ADARB2: variants seen among roughly 807,000 people sequenced by gnomAD.
ADARB2 encodes inactive double-stranded RNA-specific editase B2.
Under a neutral mutation model 62.2 loss-of-function variants are expected in ADARB2, and 25 were observed. The ratio of observed to expected loss-of-function variants is 0.40; its 90% CI spans 0.29 to 0.56. The LOEUF (loss-of-function observed/expected upper bound fraction) is 0.56, where lower values mean the gene tolerates loss of function less well. ADARB2 is among the 20% of genes least tolerant of loss of function. The pLI, the probability that ADARB2 is intolerant of heterozygous loss-of-function variation, is 0.43. For synonymous variants in ADARB2, 572 were observed against 500.8 expected (o/e 1.14, Z -1.90); for missense variants, 1,071 against 1,077.4 (o/e 0.99, Z 0.08).
rs982713595 is a variant in ADARB2, at chr10:1,271,216, A to T, written c.1078-147T>A. On this transcript the variant is annotated intron_variant, in intron 3 of 9. Transcript: ENST00000381312. ...CTCCCCTCCTCACAGCCTTGTCACC[A>T]CGTGACCACACACGGCCTCTCCCTG... is the stretch of plus-strand genomic sequence containing the variant. The T allele has an allele frequency of 2.0e-5, 13 of 638,642 alleles. No individual in the cohort carries two copies. In the African/African-American group the frequency reaches 2.4e-4, roughly 12 times the overall value. 39.6% of individuals were successfully genotyped at this position (638,642 alleles called of 1,614,324 possible).
intron 3 of ADARB2, chr10:1,291,011 T>C (rs1410719149): frequency 6.6e-6 from 1 of 152,240 alleles, no homozygotes; most frequent in African/African-American, 2.4e-5. Context: ...GGCTGATTCA[T>C]GGTTATTTGC....
At position 1,398,003 on chromosome 10, in the gene ADARB2, T is replaced by C. The variant is rs1451424913; in HGVS notation, c.101-18843A>G. On this transcript the variant is annotated intron_variant, in intron 1 of 9. Transcript: ENST00000381312. The surrounding 1 kb of genome is among the most constrained non-coding windows in gnomAD (Gnocchi z 4.1). ...CGAGTGCAGGCTTCCTGGGTCACCG[T>C]CCTCCTCTCCCCTCCCGAGTGCAGG... Among the ~76,000 whole-genome samples, 1 of 118,562 alleles carries C rather than the reference T, an allele frequency of 8.4e-6. No homozygotes were observed. The highest frequency in any genetic ancestry group is 1.7e-5 in the Non-Finnish European group (1 of 57,520). 77.8% of individuals were successfully genotyped at this position (118,562 alleles called of 152,430 possible).
In ADARB2 at chr10:1,326,851, TCCCCACTGCCCAGCGCCTCCCCACG is replaced by T. The variant is rs1564257885; in HGVS notation, c.1077+36152_1077+36176del. ...CAGCGCCTCCCCACGGCCCAGCGCC[TCCCCACTGCCCAGCGCCTCCCCACG>T]GCACAGCGCCTCCCCACTGCCCAGC... On this transcript the variant is annotated intron_variant, in intron 3 of 9. Coordinates refer to ENST00000381312, the MANE Select transcript of ADARB2 (RefSeq NM_018702.4). Among the ~76,000 whole-genome samples the T allele has an allele frequency of 3.4e-4, 17 of 50,380 alleles. 3 individuals carry two copies. Among genetic ancestry groups the T allele is most frequent in the African/African-American group, 1.2e-3 (17 of 14,046 alleles). The allele number at this position is 50,380 out of a possible 152,430, so 33.1% of individuals were successfully genotyped here.
chr10:1,563,921 A>C (rs1028936607), intron 1 of ADARB2, among the ~76,000 whole-genome samples: 9 of 149,260 alleles, frequency 6.0e-5, no homozygotes, highest in Non-Finnish European at 1.0e-4. Flanking sequence ...GAGAATGATG[A>C]TTTCCAATTT....
intron 1 of ADARB2, among the ~76,000 whole-genome samples, chr10:1,473,277 T>G (rs975414673): frequency 6.6e-6 from 1 of 152,242 alleles, no homozygotes; most frequent in African/African-American, 2.4e-5. Flanking sequence ...TCAGGCGAAT[T>G]CTTTCTTCTG....
intron 1 of ADARB2, among the ~76,000 whole-genome samples, chr10:1,640,719 A>G (rs1160866122): frequency 6.6e-6 from 1 of 152,198 alleles, no homozygotes; most frequent in African/African-American, 2.4e-5. Context: ...ATTTTTATGG[A>G]CAATCTTCTG....
intron 7 of ADARB2, among the ~76,000 whole-genome samples, chr10:1,205,996 G>A (rs547952919): frequency 1.3e-5 from 2 of 151,752 alleles, no homozygotes; most frequent in East Asian, 2.0e-4. Flanking sequence ...GGGGCAGCCC[G>A]CTGGGGTCAG....
rs754786185 is a variant in ADARB2 at position 1,242,220 on chromosome 10, C to G, written c.1272G>C (p.Gln424His). The change falls in exon 5 of 10, where the codon CAG (glutamine) becomes CAC (histidine). Residue 424 changes from glutamine to histidine, a missense_variant. Transcript: ENST00000381312. The part of the protein sequence containing the change: ...KCISGEHLSD[Q>H]GLVVNDCHAE... Reference sequence around the variant, plus strand: ...CGTGGCAGTCATTCACCACCAGCCCCTGGTCACTGAGGTGCTCGCCGCTGA... The same window carrying G: ...CGTGGCAGTCATTCACCACCAGCCCGTGGTCACTGAGGTGCTCGCCGCTGA... 6.2e-7 allele frequency: 1 copy of G among 1,607,338 alleles called. No homozygotes were observed. The highest frequency in any genetic ancestry group is 1.1e-5 in the South Asian group (1 of 90,160).
intron 1 of ADARB2, among the ~76,000 whole-genome samples, chr10:1,402,498 G>C (rs111585328): frequency 1.3e-5 from 2 of 152,108 alleles, no homozygotes; most frequent in Non-Finnish European, 2.9e-5. Flanking sequence ...CTGGAAATGC[G>C]GGCTGGTGCA....
At chr10:1,537,627 C>T (rs1832350413) in intron 1 of ADARB2, among the ~76,000 whole-genome samples, 1 of 152,314 alleles carries the variant, frequency 6.6e-6, no homozygotes, top group East Asian at 1.9e-4. Flanking sequence ...GAATACTATG[C>T]AGCCATAAAA....
At chr10:1,600,428 A>ACACTTTG (rs1284209769) in intron 1 of ADARB2, among the ~76,000 whole-genome samples, 1 of 152,004 alleles carries the variant, frequency 6.6e-6, no homozygotes, top group East Asian at 2.0e-4. Context: ...TGGGAAGCTG[A>ACACTTTG]GATGGGGGGA....
intron 1 of ADARB2, among the ~76,000 whole-genome samples, chr10:1,486,987 C>T (rs766326475): frequency 6.6e-6 from 1 of 152,242 alleles, no homozygotes; most frequent in Non-Finnish European, 1.5e-5. Context: ...CCACACAGAC[C>T]TCTGTGCTCT....
intron 1 of ADARB2, among the ~76,000 whole-genome samples, chr10:1,612,123 G>A (rs1488354736): frequency 6.6e-6 from 1 of 152,174 alleles, no homozygotes; most frequent in Non-Finnish European, 1.5e-5. Context: ...TCCTCCCCAG[G>A]GCTGAGCCGA....
chr10:1,700,625 T>C (rs1834809269), intron 1 of ADARB2, among the ~76,000 whole-genome samples: 2 of 8,224 alleles, frequency 2.4e-4, no homozygotes, highest in African/African-American at 2.7e-4. Flanking sequence ...GACCAGACGC[T>C]AGTCAATACA....
intron 1 of ADARB2, among the ~76,000 whole-genome samples, chr10:1,657,775 T>A (rs1422192525): frequency 6.6e-6 from 1 of 152,166 alleles, no homozygotes; most frequent in African/African-American, 2.4e-5. Context: ...TGGGATGAAC[T>A]CCCTGGAGGT....
At chr10:1,469,251 G>A (rs560475871) in intron 1 of ADARB2, among the ~76,000 whole-genome samples, 2 of 152,040 alleles carry the variant, frequency 1.3e-5, no homozygotes, top group South Asian at 4.2e-4. Context: ...AAAGCACCGC[G>A]GTCTGCGCAC....
chr10:1,557,890 T>C (rs1354356162), intron 1 of ADARB2, among the ~76,000 whole-genome samples: 1 of 114,466 alleles, frequency 8.7e-6, no homozygotes, highest in East Asian at 2.0e-4. Flanking sequence ...GTTGCGCCAC[T>C]GCACTCCAGC....
rs373925685 is a variant in ADARB2 at position 1,572,012 on chromosome 10, T to C, written c.100+165039A>G. On this transcript the variant is annotated intron_variant, in intron 1 of 9. Transcript: ENST00000381312. ...GTGTGCAGGTGAGTGTGCTGCTGAG[T>C]GGAAAGGTGAGTAGGCAAGTGAGTG... Among the ~76,000 whole-genome samples the C allele has an allele frequency of 4.5e-3, 608 of 135,370 alleles. 6 individuals are homozygous for C. Among genetic ancestry groups the C allele is most frequent in the African/African-American group, 0.017 (583 of 34,328 alleles). The allele number at this position is 135,370 out of a possible 152,430, so 88.8% of individuals were successfully genotyped here.
At chr10:1,620,645 T>G (rs7094094) in intron 1 of ADARB2, among the ~76,000 whole-genome samples, 46,906 of 152,074 alleles carry the variant, frequency 0.31, 7,471 homozygotes, top group South Asian at 0.41. Context: ...ATTATATTGA[T>G]AGCAAGCACA....
Sources: allele counts gnomAD v4.1 joint callset (sites outside exome capture counted in the v4.1 genomes callset), GRCh38; gene constraint gnomAD v4.1.1; non-coding constraint Gnocchi (gnomAD v3.1); transcripts MANE v1.5; gene names NCBI Gene and HGNC (gene_info 2026-07-23, HGNC 2026-07-21).